Variants in ADAMTS17 observed in about 807,000 individuals in gnomAD.
The protein encoded by ADAMTS17 is ADAM metallopeptidase with thrombospondin type 1 motif 17.
Under a neutral mutation model 141.5 loss-of-function variants are expected in ADAMTS17, and 113 were observed. The observed-to-expected ratio is 0.80, with a 90% CI of 0.69 to 0.93. The LOEUF (loss-of-function observed/expected upper bound fraction) is 0.93. Among genes scored for constraint, ADAMTS17 ranks in the 40% least tolerant of loss-of-function variants. The pLI is 0.00. For synonymous variants in ADAMTS17, 768 were observed against 630.6 expected (o/e 1.22, Z -3.27); for missense variants, 1,659 against 1,517.9 (o/e 1.09, Z -1.54).
At chr15:100,182,502 G>C (rs981464509) in intron 8 of ADAMTS17, among the ~76,000 whole-genome samples, 1 of 152,200 alleles carries the variant, frequency 6.6e-6, no homozygotes, top group Non-Finnish European at 1.5e-5. Flanking sequence ...CAAGCACAGA[G>C]ATTACCTCTC....
intron 18 of ADAMTS17, among the ~76,000 whole-genome samples, chr15:100,043,189 G>GCC (rs1452356803): frequency 1.3e-5 from 2 of 152,182 alleles, no homozygotes; most frequent in African/African-American, 4.8e-5. Flanking sequence ...AACAAAACCA[G>GCC]CCTGGGGCAG....
At chr15:100,099,152 TTTCAG>T (rs1346077570) in intron 14 of ADAMTS17, among the ~76,000 whole-genome samples, 1 of 152,172 alleles carries the variant, frequency 6.6e-6, no homozygotes, top group African/African-American at 2.4e-5. Context: ...AGCGTTGCCC[TTTCAG>T]TTAATTCTGG....
In ADAMTS17 at chr15:100,199,304, A is replaced by G. The variant is rs2041232608; in HGVS notation, c.1181+14T>C. ...ACTGAAAGAAAACAGGACGACACAG[A>G]GTCTGATACTTACTTGTGGCCCAGC... On this transcript the variant is annotated intron_variant, in intron 8 of 21. Coordinates refer to ENST00000268070, the MANE Select transcript of ADAMTS17 (RefSeq NM_139057.4). 6.2e-7 allele frequency: 1 copy of G among 1,609,408 alleles called. No homozygotes were observed. The highest frequency in any genetic ancestry group is 1.3e-5 in the African/African-American group (1 of 74,866).
At chr15:100,223,797 GTA>G (rs775072513) in intron 7 of ADAMTS17, among the ~76,000 whole-genome samples, 26 of 151,700 alleles carry the variant, frequency 1.7e-4, no homozygotes, top group Non-Finnish European at 3.1e-4. Context: ...CTGTGTGGGT[GTA>G]TATATATGTG....
intron 7 of ADAMTS17, among the ~76,000 whole-genome samples, chr15:100,253,303 A>G (rs910588542): frequency 1.4e-5 from 2 of 144,372 alleles, no homozygotes; most frequent in East Asian, 4.1e-4. Flanking sequence ...CAAACCAGAC[A>G]TAACTGAGGA....
chr15:100,310,237 G>A (rs1197899504), intron 3 of ADAMTS17, among the ~76,000 whole-genome samples: 3 of 152,184 alleles, frequency 2.0e-5, no homozygotes, highest in Non-Finnish European at 2.9e-5. Context: ...GGACAAAGCA[G>A]GCAGGAGACT....
At chr15:100,001,085 G>C (rs1455527194) in intron 18 of ADAMTS17, among the ~76,000 whole-genome samples, 1 of 152,140 alleles carries the variant, frequency 6.6e-6, no homozygotes, top group Non-Finnish European at 1.5e-5. Flanking sequence ...TGGAGATATG[G>C]AAAATATTCA....
intron 3 of ADAMTS17, among the ~76,000 whole-genome samples, chr15:100,295,328 C>T (rs538484146): frequency 2.0e-5 from 3 of 152,288 alleles, no homozygotes; most frequent in African/African-American, 7.2e-5. Flanking sequence ...ATTTCCCAGA[C>T]CACCTTGCCA....
intron 8 of ADAMTS17, among the ~76,000 whole-genome samples, chr15:100,158,729 C>T (rs184945527): frequency 2.6e-5 from 4 of 152,232 alleles, no homozygotes; most frequent in East Asian, 3.9e-4. Flanking sequence ...CATAAAGTAA[C>T]GGATTAAGTT....
chr15:100,301,491 ATTTTTTTTT>A (rs55686011), intron 3 of ADAMTS17, among the ~76,000 whole-genome samples: 2 of 133,320 alleles, frequency 1.5e-5, no homozygotes, highest in African/African-American at 2.8e-5. Context: ...CACCGGGCTA[ATTTTTTTTT>A]TTTTTTTTTT....
chr15:100,162,334 A>G (rs537967450), intron 8 of ADAMTS17, among the ~76,000 whole-genome samples: 70 of 149,814 alleles, frequency 4.7e-4, no homozygotes, highest in African/African-American at 1.5e-3. Context: ...GTAGGTATAT[A>G]CCTGTCCTAT....
intron 3 of ADAMTS17, among the ~76,000 whole-genome samples, chr15:100,297,111 A>C (rs2044849894): frequency 6.6e-6 from 1 of 152,176 alleles, no homozygotes; most frequent in Non-Finnish European, 1.5e-5. Context: ...GTAGGAGTTA[A>C]CAGATAGGGG....
At chr15:100,302,041 C>T (rs1596478826) in intron 3 of ADAMTS17, among the ~76,000 whole-genome samples, 1 of 152,134 alleles carries the variant, frequency 6.6e-6, no homozygotes, top group African/African-American at 2.4e-5. Context: ...TAAATAGAAA[C>T]CCCATAACCC....
At chr15:100,253,150 C>T (rs910515093) in intron 7 of ADAMTS17, among the ~76,000 whole-genome samples, 11 of 151,640 alleles carry the variant, frequency 7.3e-5, no homozygotes, top group Admixed American at 2.6e-4. Context: ...TCTGGCAATG[C>T]AATACTATAT....
chr15:100,173,395 C>T (rs1425557442), intron 8 of ADAMTS17, among the ~76,000 whole-genome samples: 1 of 152,104 alleles, frequency 6.6e-6, no homozygotes, highest in Non-Finnish European at 1.5e-5. Context: ...AGTATGCCTG[C>T]TAGAGTTTCT....
In ADAMTS17 at chr15:100,331,057, G is replaced by A. The variant is rs1211411929; in HGVS notation, c.451-3C>T. The A allele has an allele frequency of 2.5e-6, 4 of 1,614,072 alleles. No individual in the cohort carries two copies. The African/African-American group carries it at 4.0e-5, about 16-fold the overall frequency. On this transcript the variant is annotated splice_polypyrimidine_tract_variant and splice_region_variant and intron_variant, in intron 2 of 21. Transcript: ENST00000268070. ...TGCCCAAGCTGAATGAGGCCAACCT[G>A]TCCAGAAAGGAGAAGGAAACGCGAT...
At chr15:100,120,643 C>CA (rs2037404965) in intron 12 of ADAMTS17, among the ~76,000 whole-genome samples, 2 of 152,238 alleles carry the variant, frequency 1.3e-5, no homozygotes, top group South Asian at 4.2e-4. Flanking sequence ...GATACAGGTT[C>CA]AAAAAAGACC....
At chr15:100,036,017 C>G (rs2141508856) in intron 18 of ADAMTS17, among the ~76,000 whole-genome samples, 1 of 152,312 alleles carries the variant, frequency 6.6e-6, no homozygotes, top group African/African-American at 2.4e-5. Flanking sequence ...CCTTGACTCT[C>G]AGTTCCAAAC....
chr15:100,178,059 A>G (rs1600677), intron 8 of ADAMTS17, among the ~76,000 whole-genome samples: 16,294 of 152,008 alleles, frequency 0.11, 1,060 homozygotes, highest in East Asian at 0.32. Context: ...TACCTATGTC[A>G]TTATGTTTGA....
Sources: allele counts gnomAD v4.1 joint callset (sites outside exome capture counted in the v4.1 genomes callset), GRCh38; gene constraint gnomAD v4.1.1; transcripts MANE v1.5; gene names NCBI Gene and HGNC (gene_info 2026-07-23, HGNC 2026-07-21).